Variants in DESI2 observed in about 807,000 individuals in gnomAD.
The protein encoded by DESI2 is deubiquitinase DESI2.
A neutral mutation model predicts 24.1 loss-of-function variants in DESI2; 10 were observed. That is an observed-to-expected ratio of 0.41 (90% CI 0.26 to 0.70). DESI2 has a LOEUF of 0.70. DESI2 is among the 30% of genes least tolerant of loss of function. The probability of loss-of-function intolerance (pLI) is 0.29; values close to 1 mark genes in which losing one functional copy is unlikely to be tolerated. For synonymous variants in DESI2, 71 were observed against 87.7 expected, an observed-to-expected ratio of 0.81 and a Z score of 1.06; for missense variants, 122 against 234.9, an observed-to-expected ratio of 0.52 and a Z score of 3.14.
chr1:244,665,804 A>G lies in DESI2; in HGVS notation c.42+12449A>G, dbSNP rs550894410. ...TGCATCCTGCAGACCTACTCTGAAG[A>G]TTTCAGATCTATCAAGCCCCACAGT... On this transcript the variant is annotated intron_variant, in intron 1 of 4. Coordinates refer to ENST00000302550, the MANE Select transcript of DESI2 (RefSeq NM_016076.5). Among the ~76,000 whole-genome samples the G allele has an allele frequency of 2.6e-5, 4 of 152,320 alleles. No individual in the cohort carries two copies. The South Asian group carries it at 8.3e-4, about 32-fold the overall frequency.
Position 244,708,009 on chromosome 1 carries a change from T to C in DESI2, c.*2220T>C, listed in dbSNP as rs998037181. 1 of 152,212 alleles carries C rather than the reference T, an allele frequency of 6.6e-6. No individual in the cohort carries two copies. Among genetic ancestry groups the C allele is most frequent in the African/African-American group, 2.4e-5 (1 of 41,450 alleles). The allele number at this position is 152,212 out of a possible 1,614,324, so 9.4% of individuals were successfully genotyped here. A position where few individuals can be genotyped will look rare whatever the true frequency, so the allele number is the denominator to read the frequency against. ...ATTATACCTGAGGTTGAGCAAGAAATGTCTTCCTTTAGAAAATCTCATTCA... is the reference window on the plus strand; with the variant it reads ...ATTATACCTGAGGTTGAGCAAGAAACGTCTTCCTTTAGAAAATCTCATTCA... On this transcript the variant is annotated 3_prime_UTR_variant, in exon 5 of 5. Transcript: ENST00000302550.
intron 1 of DESI2, among the ~76,000 whole-genome samples, chr1:244,672,874 GTAA>G (rs55850553): frequency 0.95 from 141,479 of 149,524 alleles, 67,100 homozygotes; most frequent in East Asian, 1. Context: ...GACTCTGTCT[GTAA>G]TAATAATAAT....
intron 1 of DESI2, among the ~76,000 whole-genome samples, chr1:244,671,849 C>T (rs2818999): frequency 0.98 from 149,236 of 152,368 alleles, 73,161 homozygotes; most frequent in East Asian, 1. Context: ...TTTATGGTAT[C>T]CTACAAAAGC....
chr1:244,681,221 T>C (rs1676600980), intron 1 of DESI2, among the ~76,000 whole-genome samples: 1 of 152,186 alleles, frequency 6.6e-6, no homozygotes, highest in Non-Finnish European at 1.5e-5. Flanking sequence ...CTGGACAGTA[T>C]GTTCATTGCT....
rs1208780450 is a variant in DESI2, at chr1:244,705,709, G to A, written c.505G>A (p.Glu169Lys). The A allele has an allele frequency of 3.1e-6, 5 of 1,614,082 alleles. No individual in the cohort carries two copies. The highest frequency in any genetic ancestry group is 4.2e-6 in the Non-Finnish European group (5 of 1,180,026). Reference protein sequence around the residue: ...VSQELQDELEEAEDAAASASV... With the variant: ...VSQELQDELEKAEDAAASASV... ...CCAAGAACTCCAGGATGAACTGGAG[G>A]AAGCAGAGGATGCTGCCGCATCCGC... Residue 169 changes from glutamate (E) to lysine (K), a missense_variant, in exon 5 of 5, where the codon GAA becomes AAA. Physicochemically the swap from Glu to Lys is moderately conservative, Grantham distance 56. Transcript: ENST00000302550.
At chr1:244,669,793 C>T (rs1441590032) in intron 1 of DESI2, among the ~76,000 whole-genome samples, 1 of 152,090 alleles carries the variant, frequency 6.6e-6, no homozygotes, top group Admixed American at 6.6e-5. Flanking sequence ...TTACTATCTC[C>T]ATGGACTTAA....
chr1:244,683,589 G>A (rs1676707233), intron 1 of DESI2, among the ~76,000 whole-genome samples: 1 of 152,170 alleles, frequency 6.6e-6, no homozygotes, highest in Non-Finnish European at 1.5e-5. Context: ...GGGATTACAG[G>A]CGTGAGCCAC....
intron 4 of DESI2, among the ~76,000 whole-genome samples, chr1:244,698,595 A>C (rs988671737): frequency 6.6e-6 from 1 of 152,238 alleles, no homozygotes; most frequent in South Asian, 2.1e-4. Context: ...CATAGATCCT[A>C]GTTGCTTGGA....
chr1:244,653,900 T>G (rs1345936760), intron 1 of DESI2: 1 of 471,096 alleles, frequency 2.1e-6, no homozygotes, highest in South Asian at 1.5e-5. Flanking sequence ...CACCCTTTCC[T>G]TGTGTGTTAA....
chr1:244,674,119 C>T (rs1676336859), intron 1 of DESI2, among the ~76,000 whole-genome samples: 2 of 151,020 alleles, frequency 1.3e-5, no homozygotes, highest in African/African-American at 4.9e-5. Flanking sequence ...CTCAGCCTCC[C>T]AAGTAGCTGG....
chr1:244,669,094 C>T (rs1676147113), intron 1 of DESI2, among the ~76,000 whole-genome samples: 1 of 152,052 alleles, frequency 6.6e-6, no homozygotes, highest in Non-Finnish European at 1.5e-5. Context: ...TTTGACCTCC[C>T]AACCTCCAAC....
At chr1:244,655,451 G>A (rs1484834126) in intron 1 of DESI2, among the ~76,000 whole-genome samples, 1 of 152,094 alleles carries the variant, frequency 6.6e-6, no homozygotes, top group Non-Finnish European at 1.5e-5. Context: ...TTCTTTTGAG[G>A]GCTTTGAGTG....
chr1:244,704,407 A>G (rs1276295888), intron 4 of DESI2, among the ~76,000 whole-genome samples: 1 of 152,234 alleles, frequency 6.6e-6, no homozygotes, highest in Non-Finnish European at 1.5e-5. Context: ...AGTTAGGGGC[A>G]CAGAATAGAC....
chr1:244,683,454 A>G (rs577760437), intron 1 of DESI2, among the ~76,000 whole-genome samples: 13 of 151,692 alleles, frequency 8.6e-5, no homozygotes, highest in South Asian at 4.2e-4. Flanking sequence ...TGGGACTACA[A>G]GTGCCCGCCA....
At chr1:244,684,102 A>T (rs1031151085) in intron 1 of DESI2, among the ~76,000 whole-genome samples, 1 of 152,182 alleles carries the variant, frequency 6.6e-6, no homozygotes, top group African/African-American at 2.4e-5. Context: ...GCTGTTGTCA[A>T]CATTTTACTA....
chr1:244,669,656 C>G (rs1467540238), intron 1 of DESI2, among the ~76,000 whole-genome samples: 1 of 152,016 alleles, frequency 6.6e-6, no homozygotes, highest in Non-Finnish European at 1.5e-5. Flanking sequence ...CCAGTCTGGA[C>G]AACAGGAGCG....
chr1:244,702,874 A>G (rs1279488611), intron 4 of DESI2, among the ~76,000 whole-genome samples: 1 of 152,218 alleles, frequency 6.6e-6, no homozygotes, highest in East Asian at 1.9e-4. Context: ...GCTGTTGAAT[A>G]GGCAACAGTC....
At chr1:244,697,804 T>G (rs1427102329) in intron 4 of DESI2, among the ~76,000 whole-genome samples, 1 of 152,046 alleles carries the variant, frequency 6.6e-6, no homozygotes, top group Non-Finnish European at 1.5e-5. Context: ...AAGATGAGCT[T>G]TGGTTGGGCC....
intron 1 of DESI2, among the ~76,000 whole-genome samples, chr1:244,660,944 T>A (rs1007870905): frequency 6.6e-6 from 1 of 152,220 alleles, no homozygotes; most frequent in African/African-American, 2.4e-5. Context: ...TTCCAAAGCT[T>A]TATTGGCCTT....
Sources: gnomAD v4.1 joint callset for allele counts (sites outside exome capture counted in the v4.1 genomes callset) on GRCh38, gnomAD v4.1.1 for gene constraint, MANE v1.5 for transcripts, NCBI Gene and HGNC (gene_info 2026-07-23, HGNC 2026-07-21) for gene names.